Variants in TLL1 observed in about 807,000 individuals in gnomAD.
TLL1 encodes the protein tolloid-like protein 1.
In TLL1, 49 loss-of-function variants were observed where a neutral mutation model predicts 128.2. The observed-to-expected ratio is 0.38, with a 90% CI of 0.30 to 0.48. The LOEUF is 0.48. Among genes scored for constraint, TLL1 ranks in the 20% least tolerant of loss-of-function variants. The pLI is 0.96. For missense variants in TLL1, 1,123 were observed against 1,242.0 expected (o/e 0.90, Z 1.44); for synonymous variants, 454 against 418.8 (o/e 1.08, Z -1.03).
intron 1 of TLL1, among the ~76,000 whole-genome samples, chr4:165,885,814 A>G (rs1200738554): frequency 6.6e-6 from 1 of 152,196 alleles, no homozygotes; most frequent in Non-Finnish European, 1.5e-5. Flanking sequence ...AAGAAGAACT[A>G]TAGGCAACAA....
intron 1 of TLL1, among the ~76,000 whole-genome samples, chr4:165,973,690 A>T: frequency 6.7e-6 from 1 of 148,188 alleles, no homozygotes; most frequent in Non-Finnish European, 1.5e-5. Flanking sequence ...TTTGAGATGG[A>T]GTCTTGCTGT....
At chr4:165,875,549 A>G (rs1291506311) in intron 1 of TLL1, among the ~76,000 whole-genome samples, 5 of 151,820 alleles carry the variant, frequency 3.3e-5, no homozygotes, top group Admixed American at 6.5e-5. Context: ...AACTGTATCT[A>G]TTTTCCCACT....
At chr4:166,024,648 T>C (rs1047197038) in intron 8 of TLL1, among the ~76,000 whole-genome samples, 5 of 152,202 alleles carry the variant, frequency 3.3e-5, no homozygotes, top group African/African-American at 4.8e-5. Context: ...GACTGAAAAT[T>C]GGTTCCAGGG....
At chr4:165,923,419 AC>A (rs1157286387) in intron 1 of TLL1, among the ~76,000 whole-genome samples, 6 of 84,392 alleles carry the variant, frequency 7.1e-5, no homozygotes, top group East Asian at 1.4e-3. Context: ...ATATAGGTAT[AC>A]CTTTTTTTTT....
intron 5 of TLL1, among the ~76,000 whole-genome samples, chr4:165,998,634 A>C (rs934517376): frequency 2.0e-5 from 3 of 151,376 alleles, no homozygotes; most frequent in African/African-American, 7.3e-5. Context: ...TCTACTAAAA[A>C]TACAAAAAAA....
chr4:165,976,808 A>C (rs1385707649), intron 1 of TLL1, among the ~76,000 whole-genome samples: 2 of 152,230 alleles, frequency 1.3e-5, no homozygotes, highest in Non-Finnish European at 2.9e-5. Flanking sequence ...ATGTAGATCA[A>C]GCATGTCCAA....
intron 1 of TLL1, among the ~76,000 whole-genome samples, chr4:165,912,319 A>G (rs1168478489): frequency 6.6e-6 from 1 of 151,972 alleles, no homozygotes; most frequent in Middle Eastern, 3.2e-3. Flanking sequence ...TCTGACTTCC[A>G]CTTCTGTCTT....
At chr4:165,905,850 A>G (rs1732226451) in intron 1 of TLL1, among the ~76,000 whole-genome samples, 1 of 152,138 alleles carries the variant, frequency 6.6e-6, no homozygotes, top group African/African-American at 2.4e-5. Flanking sequence ...GAAAAGCGTC[A>G]TCGGTTGCTT....
intron 1 of TLL1, among the ~76,000 whole-genome samples, chr4:165,985,104 T>C (rs1403572390): frequency 6.6e-6 from 1 of 152,008 alleles, no homozygotes; most frequent in African/African-American, 2.4e-5. Context: ...GATATTAAGG[T>C]GAGCAATACA....
At chr4:165,996,672 A>G (rs1024162430) in intron 5 of TLL1, among the ~76,000 whole-genome samples, 2 of 152,154 alleles carry the variant, frequency 1.3e-5, no homozygotes, top group African/African-American at 4.8e-5. Flanking sequence ...CACACAATAA[A>G]AGAATGTTAA....
In TLL1 at chr4:165,873,940, G is replaced by T; in HGVS notation, c.36G>T (p.Val12=). ...GAACGCTTTCCCCGAGGATGCTCGT[G>T]TGGCTGGTGGCCTCGGGGATTGTTT... is the stretch of plus-strand genomic sequence containing the variant. ...GLGTLSPRML[V]WLVASGIVFY... Residue 12 remains valine (V), a synonymous_variant, in exon 1 of 21, where the codon GTG becomes GTT. Transcript: ENST00000061240. 2 of 1,614,148 alleles carry T rather than the reference G, an allele frequency of 1.2e-6. No individual in the cohort carries two copies. The highest frequency in any genetic ancestry group is 1.7e-6 in the Non-Finnish European group (2 of 1,180,018).
At chr4:165,905,726 G>A (rs1304461750) in intron 1 of TLL1, among the ~76,000 whole-genome samples, 1 of 152,162 alleles carries the variant, frequency 6.6e-6, no homozygotes, top group East Asian at 1.9e-4. Context: ...ACTTTGAAGT[G>A]AGCATAGAAC....
chr4:166,019,430 G>A (rs1257183809), intron 8 of TLL1, among the ~76,000 whole-genome samples: 1 of 151,966 alleles, frequency 6.6e-6, no homozygotes, highest in Non-Finnish European at 1.5e-5. Flanking sequence ...AATAAAAGTT[G>A]AAATTAAAAA....
chr4:166,040,152 A>G (rs1739180320), intron 10 of TLL1, among the ~76,000 whole-genome samples: 1 of 152,124 alleles, frequency 6.6e-6, no homozygotes. Flanking sequence ...TTTTTCTGAG[A>G]TTGTAACTTT....
In TLL1 at chr4:165,979,817, AG is replaced by A. The variant is rs1579576243; in HGVS notation, c.170-9563del. On this transcript the variant is annotated intron_variant, in intron 1 of 20. Transcript: ENST00000061240. ...CATAAATGAACAAATAAATAAACAA[AG>A]ATTTGAGGCAAATTTTGCAAGCTGT... is the stretch of plus-strand genomic sequence containing the variant. 2.0e-5 allele frequency among the ~76,000 whole-genome samples: 3 copies of A among 152,210 alleles called. No homozygotes were observed. The East Asian group carries it at 5.8e-4, about 29-fold the overall frequency.
intron 18 of TLL1, among the ~76,000 whole-genome samples, chr4:166,083,430 A>G (rs1488837347): frequency 8.1e-6 from 1 of 122,820 alleles, no homozygotes; most frequent in Non-Finnish European, 1.9e-5. Context: ...AGCATTTTTA[A>G]GAGTATATTA....
chr4:166,047,497 A>G (rs1383892375), intron 12 of TLL1, among the ~76,000 whole-genome samples: 2 of 145,864 alleles, frequency 1.4e-5, no homozygotes, highest in East Asian at 3.9e-4. Context: ...CTAATATAAT[A>G]TATAATTAAT....
intron 19 of TLL1, among the ~76,000 whole-genome samples, chr4:166,095,816 G>A (rs1374313032): frequency 3.3e-5 from 5 of 151,928 alleles, no homozygotes; most frequent in African/African-American, 7.3e-5. Flanking sequence ...TGTAAGAACC[G>A]CTTTGGCAGC....
At chr4:165,977,714 A>T (rs17047166) in intron 1 of TLL1, among the ~76,000 whole-genome samples, 1 of 152,078 alleles carries the variant, frequency 6.6e-6, no homozygotes, top group African/African-American at 2.4e-5. Flanking sequence ...TTCTTCAATG[A>T]GAGAAAATTA....
Sources: allele counts gnomAD v4.1 joint callset (sites outside exome capture counted in the v4.1 genomes callset), GRCh38; gene constraint gnomAD v4.1.1; transcripts MANE v1.5; gene names NCBI Gene and HGNC (gene_info 2026-07-23, HGNC 2026-07-21).